MCF2L2: variants seen among roughly 807,000 people sequenced by gnomAD.
MCF2L2 encodes MCF.2 cell line derived transforming sequence-like 2, also known as probable guanine nucleotide exchange factor MCF2L2.
MCF2L2 carries 102 observed loss-of-function variants against 150.2 expected under a neutral mutation model. The observed-to-expected ratio is 0.68, with a 90% CI of 0.58 to 0.80. The LOEUF (loss-of-function observed/expected upper bound fraction) is 0.80. MCF2L2 is among the 30% of genes least tolerant of loss of function. The pLI, the probability that MCF2L2 is intolerant of heterozygous loss-of-function variation, is 0.00. For missense variants in MCF2L2, 1,256 were observed against 1,372.8 expected (o/e 0.91, Z 1.34); for synonymous variants, 465 against 491.3 (o/e 0.95, Z 0.71).
chr3:183,288,111 T>C (rs551738516), intron 14 of MCF2L2, among the ~76,000 whole-genome samples: 1 of 152,220 alleles, frequency 6.6e-6, no homozygotes, highest in Non-Finnish European at 1.5e-5. Flanking sequence ...ACTTTAAAAT[T>C]ATACAGTGCT....
At chr3:183,203,886 T>C (rs964443216) in intron 25 of MCF2L2, among the ~76,000 whole-genome samples, 12 of 152,200 alleles carry the variant, frequency 7.9e-5, no homozygotes, top group African/African-American at 2.9e-4. Flanking sequence ...CTGATTTCTA[T>C]CAGAAATCAC....
At chr3:183,400,459 C>A (rs1714691918) in intron 1 of MCF2L2, 1 of 456,638 alleles carries the variant, frequency 2.2e-6, no homozygotes, top group Non-Finnish European at 4.4e-6. Context: ...TATCTAGGAT[C>A]TTGCTGCTCA....
chr3:183,399,661 T>C (rs976633642), intron 1 of MCF2L2, among the ~76,000 whole-genome samples: 1 of 152,224 alleles, frequency 6.6e-6, no homozygotes, highest in African/African-American at 2.4e-5. Flanking sequence ...GCATCTAACA[T>C]GAAGCCTTTC....
At chr3:183,219,771 A>ATTTTACTTGG in intron 21 of MCF2L2, 85 bp downstream of exon 21, 1 of 878,828 alleles carries the variant, frequency 1.1e-6, no homozygotes, top group Non-Finnish European at 1.8e-6. Context: ...AAGACCACCA[A>ATTTTACTTGG]GTAAAATTGC....
intron 10 of MCF2L2, among the ~76,000 whole-genome samples, chr3:183,308,915 G>A (rs944080708): frequency 8.5e-5 from 13 of 152,160 alleles, no homozygotes; most frequent in African/African-American, 2.2e-4. Flanking sequence ...GAAAGGAAGC[G>A]CTAACCACAG....
chr3:183,255,514 G>C (rs11916629), intron 15 of MCF2L2, among the ~76,000 whole-genome samples: 7,480 of 152,216 alleles, frequency 0.049, 276 homozygotes, highest in African/African-American at 0.088. Context: ...CTGAGGAGGA[G>C]GCTGACTCAG....
Position 183,193,102 on chromosome 3 carries a change from G to C in MCF2L2, c.2919-6C>G. ...ATCCTGCTCCACTGCCTTTGCTTTA[G>C]AGAAATAAACATGAATATTGAGTCA... On this transcript the variant is annotated splice_polypyrimidine_tract_variant and splice_region_variant and intron_variant, in intron 26 of 29. Transcript: ENST00000328913. The C allele has an allele frequency of 6.2e-7, 1 of 1,611,662 alleles. No individual in the cohort carries two copies. The highest frequency in any genetic ancestry group is 8.5e-7 in the Non-Finnish European group (1 of 1,177,902).
intron 27 of MCF2L2, among the ~76,000 whole-genome samples, chr3:183,191,316 G>C (rs1721884492): frequency 1.3e-5 from 2 of 152,140 alleles, no homozygotes; most frequent in Admixed American, 6.5e-5. Context: ...TTGTTACAAT[G>C]GATGAACGTA....
At chr3:183,317,767 C>T (rs1045861407) in intron 7 of MCF2L2, among the ~76,000 whole-genome samples, 8 of 152,148 alleles carry the variant, frequency 5.3e-5, no homozygotes, top group Non-Finnish European at 1.0e-4. Flanking sequence ...CCTCAGCTCA[C>T]CCGGACAAAG....
intron 1 of MCF2L2, among the ~76,000 whole-genome samples, chr3:183,405,787 C>A (rs530078782): frequency 6.6e-6 from 1 of 152,326 alleles, no homozygotes; most frequent in South Asian, 2.1e-4. Context: ...GTGATCTTGG[C>A]TCACTGCAAC....
chr3:183,184,411 T>A (rs1721627412), intron 27 of MCF2L2, among the ~76,000 whole-genome samples: 1 of 152,192 alleles, frequency 6.6e-6, no homozygotes, highest in Non-Finnish European at 1.5e-5. Flanking sequence ...TTGGAGCAGA[T>A]ACACCCTGAG....
chr3:183,374,362 C>G (rs572662411), intron 3 of MCF2L2: 3 of 152,254 alleles, frequency 2.0e-5, no homozygotes, highest in Non-Finnish European at 4.4e-5. Flanking sequence ...TCAGACCCTG[C>G]GTTAGATAGA....
chr3:183,402,969 T>G (rs965026697), intron 1 of MCF2L2, among the ~76,000 whole-genome samples: 5 of 151,910 alleles, frequency 3.3e-5, no homozygotes, highest in African/African-American at 1.2e-4. Flanking sequence ...TATTCTTTAC[T>G]TGAGGAAGGA....
At chr3:183,380,047 T>C (rs995278963) in intron 2 of MCF2L2, among the ~76,000 whole-genome samples, 2 of 152,198 alleles carry the variant, frequency 1.3e-5, no homozygotes, top group Non-Finnish European at 2.9e-5. Flanking sequence ...ACCATGATTA[T>C]AATTATTATT....
At chr3:183,354,720 A>G (rs967078749) in intron 3 of MCF2L2, among the ~76,000 whole-genome samples, 6 of 152,134 alleles carry the variant, frequency 3.9e-5, no homozygotes, top group Non-Finnish European at 8.8e-5. Flanking sequence ...TCTCCCTAAA[A>G]TGTATAAAAT....
At chr3:183,418,078 C>G (rs1046282446) in intron 1 of MCF2L2, among the ~76,000 whole-genome samples, 4 of 152,080 alleles carry the variant, frequency 2.6e-5, no homozygotes, top group Admixed American at 2.0e-4. Context: ...GTCCCAGCTA[C>G]TTGGGAGGCT....
At chr3:183,374,449 C>T (rs1023333117) in intron 3 of MCF2L2, 7 of 152,286 alleles carry the variant, frequency 4.6e-5, no homozygotes, top group Non-Finnish European at 8.8e-5. Context: ...GCGGGCGGAT[C>T]ACAAGGTCAA....
At chr3:183,367,974 G>A in intron 3 of MCF2L2, among the ~76,000 whole-genome samples, 1 of 152,174 alleles carries the variant, frequency 6.6e-6, no homozygotes, top group East Asian at 1.9e-4. Flanking sequence ...GCATGACATG[G>A]TGGAACAGCA....
intron 3 of MCF2L2, among the ~76,000 whole-genome samples, chr3:183,356,807 C>T (rs1320501784): frequency 2.0e-5 from 3 of 152,100 alleles, no homozygotes; most frequent in Non-Finnish European, 4.4e-5. Flanking sequence ...AACAGAACAG[C>T]CAATCTAGAA....
Sources: gnomAD v4.1 joint callset for allele counts (sites outside exome capture counted in the v4.1 genomes callset) on GRCh38, gnomAD v4.1.1 for gene constraint, MANE v1.5 for transcripts, NCBI Gene and HGNC (gene_info 2026-07-23, HGNC 2026-07-21) for gene names.